Variants in MSRB3 observed in about 807,000 individuals in gnomAD.
MSRB3 encodes methionine-R-sulfoxide reductase B3.
A neutral mutation model predicts 21.0 loss-of-function variants in MSRB3; 13 were observed. The ratio of observed to expected loss-of-function variants is 0.62; its 90% confidence interval spans 0.40 to 0.98. The LOEUF (loss-of-function observed/expected upper bound fraction) is 0.98, where lower values mean the gene tolerates loss of function less well. Among genes scored for constraint, MSRB3 ranks in the 50% least tolerant of loss-of-function variants. MSRB3 has a pLI of 0.00. For synonymous variants in MSRB3, 87 were observed against 88.6 expected, an observed-to-expected ratio of 0.98 and a Z score of 0.10; for missense variants, 199 against 230.3, an observed-to-expected ratio of 0.86 and a Z score of 0.88.
chr12:65,418,914 C>G lies in MSRB3; in HGVS notation c.293-34814C>G, dbSNP rs530280444. The stretch of plus-strand genomic sequence containing the variant: ...CAGCCTCCAGCTTGACCTTAATGTT[C>G]AGCAGGGCCTCCTACTCCTGGGCCT... On this transcript the variant is annotated intron_variant, in intron 5 of 6. Coordinates refer to ENST00000308259, the MANE Select transcript of MSRB3 (RefSeq NM_001031679.3). 9 of 722,112 alleles carry G rather than the reference C, an allele frequency of 1.2e-5. No individual in the cohort carries two copies. The Admixed American group carries it at 1.8e-4, about 14-fold the overall frequency. 44.7% of individuals were successfully genotyped at this position (722,112 alleles called of 1,614,324 possible).
chr12:65,340,112 A>G (rs1394484398), intron 4 of MSRB3, among the ~76,000 whole-genome samples: 1 of 152,226 alleles, frequency 6.6e-6, no homozygotes, highest in African/African-American at 2.4e-5. Flanking sequence ...TGATTAATAT[A>G]TCCAAGAAAA....
chr12:65,420,913 T>C (rs1421762378), intron 5 of MSRB3, among the ~76,000 whole-genome samples: 2 of 152,232 alleles, frequency 1.3e-5, no homozygotes, highest in Admixed American at 1.3e-4. Flanking sequence ...CTATTGTGAA[T>C]AGTGCTGCAG....
Position 65,299,563 on chromosome 12 carries a change from C to G in MSRB3, c.-51-8966C>G, listed in dbSNP as rs146771762. Among the ~76,000 whole-genome samples the G allele has an allele frequency of 4.6e-5, 7 of 152,316 alleles. No homozygotes were observed. In the East Asian group the frequency reaches 9.6e-4, roughly 21 times the overall value. On this transcript the variant is annotated intron_variant, in intron 1 of 6. Coordinates refer to ENST00000308259, the MANE Select transcript of MSRB3 (RefSeq NM_001031679.3). ...TTGAGTTACATTCCATTTTCCACAA[C>G]TTAGTATCATGTTCACATCTAGCTG...
chr12:65,330,203 G>A (rs1454076181), intron 4 of MSRB3, among the ~76,000 whole-genome samples: 1 of 152,170 alleles, frequency 6.6e-6, no homozygotes, highest in Non-Finnish European at 1.5e-5. Context: ...CAGAACCACT[G>A]TAAATGAAGG....
intron 4 of MSRB3, among the ~76,000 whole-genome samples, chr12:65,354,742 G>T (rs186513226): frequency 6.6e-6 from 1 of 151,866 alleles, no homozygotes; most frequent in African/African-American, 2.4e-5. Flanking sequence ...ACAAGAATAA[G>T]AACCAGTCAT....
At chr12:65,321,152 A>G (rs944781982) in intron 2 of MSRB3, among the ~76,000 whole-genome samples, 11 of 152,092 alleles carry the variant, frequency 7.2e-5, no homozygotes, top group African/African-American at 2.4e-4. Context: ...AAGAGACTAT[A>G]TAATTTACTT....
Position 65,461,844 on chromosome 12 carries a change from C to T in MSRB3, c.391-1311C>T, listed in dbSNP as rs985462617. On this transcript the variant is annotated intron_variant, in intron 6 of 6. Coordinates refer to ENST00000308259, the MANE Select transcript of MSRB3 (RefSeq NM_001031679.3). ...CTAAATCTTGACTCTTCCCTCTTCTCGAAATGCCCTCCCCTAGAGATACAC... is the reference window on the plus strand; with the variant it reads ...CTAAATCTTGACTCTTCCCTCTTCTTGAAATGCCCTCCCCTAGAGATACAC... Among the ~76,000 whole-genome samples the T allele has an allele frequency of 3.9e-5, 6 of 152,206 alleles. No individual in the cohort carries two copies. In the South Asian group the frequency reaches 1.0e-3, roughly 26 times the overall value.
At chr12:65,363,757 A>G (rs916522901) in intron 4 of MSRB3, among the ~76,000 whole-genome samples, 3 of 152,066 alleles carry the variant, frequency 2.0e-5, no homozygotes, top group Non-Finnish European at 4.4e-5. Context: ...AGGATGAGAC[A>G]GGCGGATCAC....
chr12:65,461,791 TG>T (rs1883343531), intron 6 of MSRB3, among the ~76,000 whole-genome samples: 1 of 152,210 alleles, frequency 6.6e-6, no homozygotes, highest in Admixed American at 6.5e-5. Context: ...AACAAATCAT[TG>T]ATATGCTTTT....
At chr12:65,364,755 T>G (rs1277011989) in intron 4 of MSRB3, among the ~76,000 whole-genome samples, 1 of 152,204 alleles carries the variant, frequency 6.6e-6, no homozygotes, top group Non-Finnish European at 1.5e-5. Context: ...GTACTTTGTA[T>G]CTCTGTGTGT....
At chr12:65,322,780 T>A (rs1874768578) in intron 2 of MSRB3, among the ~76,000 whole-genome samples, 3 of 152,164 alleles carry the variant, frequency 2.0e-5, no homozygotes, top group African/African-American at 7.2e-5. Flanking sequence ...ATAAGGTATG[T>A]TATAACCTCT....
chr12:65,454,187 C>T (rs959827806), intron 6 of MSRB3: 7 of 455,230 alleles, frequency 1.5e-5, no homozygotes, highest in Non-Finnish European at 2.8e-5. Context: ...CTCAGGGGGG[C>T]TGAAGCAGGA....
At chr12:65,321,488 C>T (rs534234545) in intron 2 of MSRB3, among the ~76,000 whole-genome samples, 10 of 152,214 alleles carry the variant, frequency 6.6e-5, no homozygotes, top group African/African-American at 2.2e-4. Flanking sequence ...AGTGTCCTGA[C>T]ATCTTAGACT....
chr12:65,390,565 A>G (rs187899991), intron 5 of MSRB3, among the ~76,000 whole-genome samples: 8 of 152,372 alleles, frequency 5.3e-5, no homozygotes, highest in Admixed American at 5.2e-4. Flanking sequence ...TAGTGGGAAT[A>G]TAAATTGATG....
intron 4 of MSRB3, among the ~76,000 whole-genome samples, chr12:65,337,481 A>G (rs1237894169): frequency 6.6e-6 from 1 of 151,734 alleles, no homozygotes; most frequent in Non-Finnish European, 1.5e-5. Context: ...TTTGTTGCAT[A>G]ACCATAGTCA....
intron 5 of MSRB3, among the ~76,000 whole-genome samples, chr12:65,450,256 A>T (rs745644546): frequency 4.6e-5 from 7 of 152,180 alleles, no homozygotes; most frequent in Non-Finnish European, 8.8e-5. Context: ...GAGTAGTATG[A>T]CGTTATATCT....
intron 1 of MSRB3, among the ~76,000 whole-genome samples, chr12:65,306,466 A>G (rs1319539902): frequency 6.6e-6 from 1 of 152,176 alleles, no homozygotes; most frequent in Non-Finnish European, 1.5e-5. Flanking sequence ...GCATTTTGCA[A>G]ACTTCAATCC....
chr12:65,279,168 C>A, intron 1 of MSRB3: 1 of 943,090 alleles, frequency 1.1e-6, no homozygotes, highest in Non-Finnish European at 1.4e-6. Flanking sequence ...CCCGCGGGAG[C>A]CTCTCGCCCC....
chr12:65,442,888 A>C (rs1882448265), intron 5 of MSRB3, among the ~76,000 whole-genome samples: 1 of 152,106 alleles, frequency 6.6e-6, no homozygotes, highest in Non-Finnish European at 1.5e-5. Flanking sequence ...AAAAACATTA[A>C]CTGTGATTTA....
Sources: allele counts gnomAD v4.1 joint callset (sites outside exome capture counted in the v4.1 genomes callset), GRCh38; gene constraint gnomAD v4.1.1; transcripts MANE v1.5; gene names NCBI Gene and HGNC (gene_info 2026-07-23, HGNC 2026-07-21).